ANOS1: variants seen among roughly 807,000 people sequenced by gnomAD.
ANOS1 encodes the protein anosmin-1.
A neutral mutation model predicts 59.0 loss-of-function variants in ANOS1; 6 were observed. The observed-to-expected ratio is 0.10, with a 90% CI of 0.06 to 0.20. ANOS1 has a LOEUF of 0.20. Among genes scored for constraint, ANOS1 ranks in the 10% least tolerant of loss-of-function variants. The pLI, the probability that ANOS1 is intolerant of heterozygous loss-of-function variation, is 1.00. For missense variants in ANOS1, 433 were observed against 542.3 expected, an observed-to-expected ratio of 0.80 and a Z score of 2.00; for synonymous variants, 217 against 223.4, an observed-to-expected ratio of 0.97 and a Z score of 0.25.
intron 10 of ANOS1, among the ~76,000 whole-genome samples, chrX:8,537,249 T>G (rs1275362943): frequency 1.8e-5 from 2 of 111,786 alleles, no homozygotes; most frequent in Admixed American, 1.9e-4. Flanking sequence ...CAGGTAGTGG[T>G]GTAAAGCTGT....
chrX:8,706,836 A>G (rs763844571), intron 1 of ANOS1, among the ~76,000 whole-genome samples: 2 of 112,364 alleles, frequency 1.8e-5, no homozygotes, highest in African/African-American at 6.5e-5. Flanking sequence ...CCAAGAAAAA[A>G]GTCTCTCTGT....
At chrX:8,722,645 G>A (rs1446828165) in intron 1 of ANOS1, among the ~76,000 whole-genome samples, 1 of 111,618 alleles carries the variant, frequency 9.0e-6, no homozygotes, top group Non-Finnish European at 1.9e-5. Flanking sequence ...TGATTGATGG[G>A]AATTTGGGCT....
At chrX:8,629,992 TGTGCAAA>T (rs1350583196) in intron 2 of ANOS1, among the ~76,000 whole-genome samples, 1 of 112,477 alleles carries the variant, frequency 8.9e-6, no homozygotes, top group Non-Finnish European at 1.9e-5. Flanking sequence ...ATATTTCTAA[TGTGCAAA>T]GTACTTATCT....
At chrX:8,565,997 A>G in intron 8 of ANOS1, 1 of 754,138 alleles carries the variant, frequency 1.3e-6, no homozygotes, top group Non-Finnish European at 1.6e-6. Context: ...TGGCCCATCC[A>G]CCTTCATTCT....
intron 2 of ANOS1, among the ~76,000 whole-genome samples, chrX:8,693,084 T>C (rs1932630356): frequency 8.9e-6 from 1 of 112,458 alleles, no homozygotes; most frequent in Non-Finnish European, 1.9e-5. Context: ...GCCCATGAAT[T>C]TGAATTTCCT....
chrX:8,679,698 A>G (rs1416379412), intron 2 of ANOS1, among the ~76,000 whole-genome samples: 1 of 110,979 alleles, frequency 9.0e-6, no homozygotes, highest in African/African-American at 3.3e-5. Flanking sequence ...GGTAAGATGA[A>G]AAAGTTCCGG....
At chrX:8,664,415 A>T (rs369351213) in intron 2 of ANOS1, among the ~76,000 whole-genome samples, 5 of 109,798 alleles carry the variant, frequency 4.6e-5, no homozygotes, top group East Asian at 2.9e-4. Context: ...GGATGGTCTC[A>T]ATCTCCTGAC....
chrX:8,699,828 A>T (rs1187243604), intron 1 of ANOS1, 83 bp from the exon 2 acceptor site: 2 of 742,088 alleles, frequency 2.7e-6, no homozygotes, highest in East Asian at 8.3e-5. Context: ...TAATTTATGC[A>T]TATAATTTTT....
Position 8,732,046 on chromosome X carries a change from TCGAGGGCGAGGG to T in ANOS1, c.-22_-11del. On this transcript the variant is annotated 5_prime_UTR_variant, in exon 1 of 14. Transcript: ENST00000262648. ...GCACCCCGGGCACCATGGCTGCGGG[TCGAGGGCGAGGG>T]CGAGGGCGCCGGGCGCGGGCCGAGG... 1.1e-6 allele frequency: 1 copy of T among 949,679 alleles called. No individual in the cohort carries two copies. The highest frequency in any genetic ancestry group is 1.3e-6 in the Non-Finnish European group (1 of 762,496). 78.3% of individuals were successfully genotyped at this position (949,679 alleles called of 1,213,427 possible). A position where few individuals can be genotyped will look rare whatever the true frequency, so the allele number is the denominator to read the frequency against.
intron 2 of ANOS1, among the ~76,000 whole-genome samples, chrX:8,667,427 C>T (rs184476429): frequency 9.0e-6 from 1 of 111,030 alleles, no homozygotes; most frequent in African/African-American, 3.3e-5. Flanking sequence ...TCCAGAGTAC[C>T]CGGAATTAAA....
chrX:8,687,026 C>T (rs948036399), intron 2 of ANOS1, among the ~76,000 whole-genome samples: 1 of 111,907 alleles, frequency 8.9e-6, no homozygotes, highest in African/African-American at 3.2e-5. Context: ...ACATAAGAGA[C>T]CAATGTCCTC....
intron 5 of ANOS1, 120 bp from the exon 6 acceptor site, chrX:8,585,516 CT>C: frequency 1.3e-6 from 1 of 798,499 alleles, no homozygotes. Flanking sequence ...TGTCTTCCCC[CT>C]GATAAGAGGG....
intron 2 of ANOS1, among the ~76,000 whole-genome samples, chrX:8,631,580 C>T (rs761006129): frequency 2.7e-5 from 3 of 111,330 alleles, no homozygotes; most frequent in South Asian, 7.6e-4. Flanking sequence ...TCTCTCTTTA[C>T]GTGTTTGTGC....
chrX:8,553,843 G>T, intron 9 of ANOS1, 109 bp downstream of exon 9: 2 of 686,062 alleles, frequency 2.9e-6, no homozygotes, highest in Non-Finnish European at 4.6e-6. Context: ...TTCAACAACC[G>T]TTTGCCTTAG....
chrX:8,687,056 C>T (rs1221650711), intron 2 of ANOS1, among the ~76,000 whole-genome samples: 1 of 112,183 alleles, frequency 8.9e-6, no homozygotes, highest in East Asian at 2.8e-4. Context: ...CTTAGAGCAG[C>T]CCCAACGACT....
At chrX:8,566,022 T>G (rs761433024) in intron 8 of ANOS1, 16 of 753,215 alleles carry the variant, frequency 2.1e-5, no homozygotes, top group Non-Finnish European at 2.5e-5. Flanking sequence ...TCACGCTGAG[T>G]TCTCTGCCCA....
intron 1 of ANOS1, among the ~76,000 whole-genome samples, chrX:8,706,197 C>T (rs1932778886): frequency 8.9e-6 from 1 of 112,310 alleles, no homozygotes; most frequent in Non-Finnish European, 1.9e-5. Context: ...AAAGAGAAAA[C>T]AGGAACAGAT....
At chrX:8,578,225 G>A (rs1383313292) in intron 6 of ANOS1, among the ~76,000 whole-genome samples, 1 of 109,587 alleles carries the variant, frequency 9.1e-6, no homozygotes, top group Admixed American at 9.8e-5. Flanking sequence ...GTGTCACAAA[G>A]TTTTCAACTA....
At chrX:8,707,767 T>C (rs1021750977) in intron 1 of ANOS1, among the ~76,000 whole-genome samples, 1 of 112,105 alleles carries the variant, frequency 8.9e-6, no homozygotes, top group Admixed American at 9.5e-5. Context: ...GATGTAGGTG[T>C]CTGCCGGGGT....
Sources: gnomAD v4.1 joint callset for allele counts (sites outside exome capture counted in the v4.1 genomes callset) on GRCh38, gnomAD v4.1.1 for gene constraint, MANE v1.5 for transcripts, NCBI Gene and HGNC (gene_info 2026-07-23, HGNC 2026-07-21) for gene names.